ANAPC4: variants seen among roughly 807,000 people sequenced by gnomAD.
The protein encoded by ANAPC4 is anaphase-promoting complex subunit 4.
Under a neutral mutation model 119.8 loss-of-function variants are expected in ANAPC4, and 63 were observed. The ratio of observed to expected loss-of-function variants is 0.53; its 90% CI spans 0.43 to 0.65. The LOEUF (loss-of-function observed/expected upper bound fraction) is 0.65, where lower values mean the gene tolerates loss of function less well. Ranked by LOEUF, ANAPC4 falls within the 30% of genes least tolerant of loss-of-function variation. ANAPC4 has a pLI of 0.00. For missense variants in ANAPC4, 716 were observed against 945.1 expected (o/e 0.76, Z 3.18); for synonymous variants, 283 against 318.6 (o/e 0.89, Z 1.19).
At chr4:25,397,231 T>C (rs1722708437) in intron 16 of ANAPC4, among the ~76,000 whole-genome samples, 1 of 152,206 alleles carries the variant, frequency 6.6e-6, no homozygotes, top group African/African-American at 2.4e-5. Flanking sequence ...TTTTTAGAAG[T>C]TATTCTCTTT....
Position 25,407,709 on chromosome 4 carries a change from A to C in ANAPC4, c.1431+456A>C, listed in dbSNP as rs1253700179. ...TAGGTATTAAAAATTAAACATAATA[A>C]AAAATTATTCCCTAATTCACTCAAA... On this transcript the variant is annotated intron_variant, in intron 20 of 28. Coordinates refer to ENST00000315368, the MANE Select transcript of ANAPC4 (RefSeq NM_013367.3). Among the ~76,000 whole-genome samples, 4 of 152,240 alleles carry C rather than the reference A, an allele frequency of 2.6e-5. No individual in the cohort carries two copies. In the South Asian group the frequency reaches 8.3e-4, roughly 32 times the overall value.
intron 14 of ANAPC4, among the ~76,000 whole-genome samples, chr4:25,395,795 G>A (rs1460240535): frequency 1.3e-5 from 2 of 152,086 alleles, no homozygotes; most frequent in East Asian, 1.9e-4. Flanking sequence ...TGAGTCCCTG[G>A]CCCTAACTAC....
intron 28 of ANAPC4, 66 bp from the exon 29 acceptor site, chr4:25,418,089 T>A: frequency 1.4e-6 from 2 of 1,394,596 alleles, no homozygotes; most frequent in South Asian, 2.6e-5. Context: ...AGACTTCTGA[T>A]TTCTAATTCT....
At chr4:25,389,916 T>C (rs564579068) in intron 7 of ANAPC4, among the ~76,000 whole-genome samples, 1 of 151,540 alleles carries the variant, frequency 6.6e-6, no homozygotes, top group South Asian at 2.1e-4. Flanking sequence ...TGTAAGCTGA[T>C]TTTTTTTTAG....
chr4:25,390,917 G>A lies in ANAPC4; in HGVS notation c.607G>A (p.Gly203Ser), dbSNP rs780962676. 1.2e-6 allele frequency: 2 copies of A among 1,611,698 alleles called. No homozygotes were observed. The highest frequency in any genetic ancestry group is 2.2e-5 in the East Asian group (1 of 44,836). The change falls in exon 9 of 29, where the codon GGT (glycine) becomes AGT (serine). Residue 203 changes from glycine to serine, a missense_variant. Coordinates refer to ENST00000315368, the MANE Select transcript of ANAPC4 (RefSeq NM_013367.3). The stretch of plus-strand genomic sequence containing the variant: ...GGGTTTGACTCTTTTACAGATTGCT[G>A]GTACTTGTCTTGCATTATGTTTATC... ...FKIARVTGIA[G>S]TCLALCLSSD...
intron 7 of ANAPC4, 123 bp from the exon 8 acceptor site, chr4:25,390,013 C>T: frequency 1.7e-6 from 1 of 577,618 alleles, no homozygotes; most frequent in East Asian, 3.1e-5. Context: ...GTCTCACTTC[C>T]CTCTGCAGGG....
chr4:25,378,598 T>G (rs1721542492), intron 2 of ANAPC4, among the ~76,000 whole-genome samples: 1 of 152,222 alleles, frequency 6.6e-6, no homozygotes, highest in African/African-American at 2.4e-5. Flanking sequence ...TAGAGGGCAC[T>G]GTTACATCCA....
At chr4:25,384,894 C>T (rs948020646) in intron 4 of ANAPC4, among the ~76,000 whole-genome samples, 10 of 151,990 alleles carry the variant, frequency 6.6e-5, no homozygotes, top group African/African-American at 2.4e-4. Flanking sequence ...CAACATTAAT[C>T]TTATATATCT....
At chr4:25,378,640 G>A (rs1391784054) in intron 2 of ANAPC4, among the ~76,000 whole-genome samples, 1 of 152,218 alleles carries the variant, frequency 6.6e-6, no homozygotes, top group Non-Finnish European at 1.5e-5. Flanking sequence ...CAAGGGCATT[G>A]TTTATGGGTG....
intron 25 of ANAPC4, chr4:25,415,059 C>T (rs1187547498): frequency 1.7e-5 from 3 of 179,506 alleles, no homozygotes; most frequent in Non-Finnish European, 3.4e-5. Flanking sequence ...AAAGTGGCTG[C>T]CTTATAGAAA....
intron 26 of ANAPC4, 167 bp from the exon 27 acceptor site, chr4:25,416,258 A>G (rs969034618): frequency 6.8e-6 from 3 of 444,056 alleles, no homozygotes; most frequent in African/African-American, 6.0e-5. Flanking sequence ...ATCAGTACAA[A>G]AAGTAACTGA....
Position 25,418,279 on chromosome 4 carries a change from T to C in ANAPC4, c.2324T>C (p.Val775Ala). The C allele has an allele frequency of 6.2e-7, 1 of 1,613,950 alleles. No individual in the cohort carries two copies. The highest frequency in any genetic ancestry group is 8.5e-7 in the Non-Finnish European group (1 of 1,179,942). Residue 775 changes from valine to alanine, a missense_variant, in exon 29 of 29, where the codon GTG becomes GCG. By Grantham distance (64) the Val-to-Ala change is moderately conservative (BLOSUM62 0). This residue lies in a region of ANAPC4 where 504 missense variants were observed against 615.8 expected (regional missense o/e 0.82). Coordinates refer to ENST00000315368, the MANE Select transcript of ANAPC4 (RefSeq NM_013367.3). ...SNKPVKIKEEVLSESEAENQQ... is the reference protein window; with the variant it reads ...SNKPVKIKEEALSESEAENQQ... Reference sequence around the variant, plus strand: ...AAGCCTGTAAAAATAAAGGAAGAAGTGTTGTCGGAGTCAGAGGCAGAGAAC... The same window carrying C: ...AAGCCTGTAAAAATAAAGGAAGAAGCGTTGTCGGAGTCAGAGGCAGAGAAC...
chr4:25,383,595 T>C (rs188778391), intron 4 of ANAPC4, among the ~76,000 whole-genome samples: 3 of 152,252 alleles, frequency 2.0e-5, no homozygotes, highest in Admixed American at 2.0e-4. Flanking sequence ...CTCAGAGATA[T>C]TGTGGGCTTG....
chr4:25,389,378 C>T (rs1261068840), intron 7 of ANAPC4, among the ~76,000 whole-genome samples: 1 of 152,136 alleles, frequency 6.6e-6, no homozygotes, highest in African/African-American at 2.4e-5. Flanking sequence ...AGGATGGTCT[C>T]GATCTCTTGA....
At chr4:25,397,291 G>GT (rs776659187) in intron 16 of ANAPC4, among the ~76,000 whole-genome samples, 1 of 152,138 alleles carries the variant, frequency 6.6e-6, no homozygotes, top group Admixed American at 6.5e-5. Flanking sequence ...TGCATTGTCT[G>GT]TTTTTTCTGC....
At chr4:25,408,423 C>T (rs1417407207) in intron 20 of ANAPC4, among the ~76,000 whole-genome samples, 1 of 151,982 alleles carries the variant, frequency 6.6e-6, no homozygotes, top group African/African-American at 2.4e-5. Flanking sequence ...AATGCCGCCA[C>T]CTTTTATCAA....
At chr4:25,398,838 C>G (rs1460741582) in intron 16 of ANAPC4, among the ~76,000 whole-genome samples, 1 of 151,402 alleles carries the variant, frequency 6.6e-6, no homozygotes, top group Non-Finnish European at 1.5e-5. Flanking sequence ...ATAAGGGAGT[C>G]ATAGATAATT....
intron 10 of ANAPC4, 94 bp from the exon 11 acceptor site, chr4:25,393,711 T>C (rs1474320752): frequency 6.4e-6 from 4 of 629,774 alleles, no homozygotes; most frequent in Non-Finnish European, 1.1e-5. Flanking sequence ...AATTCTAGAT[T>C]TCTTTGAGAC....
chr4:25,410,963 A>G (rs1420942107), intron 21 of ANAPC4, among the ~76,000 whole-genome samples: 1 of 151,812 alleles, frequency 6.6e-6, no homozygotes, highest in Non-Finnish European at 1.5e-5. Flanking sequence ...CTCAACCTAT[A>G]GCAATTTCTG....
Sources: allele counts gnomAD v4.1 joint callset (sites outside exome capture counted in the v4.1 genomes callset), GRCh38; gene constraint gnomAD v4.1.1; regional missense constraint gnomAD v4.1.1; transcripts MANE v1.5; gene names NCBI Gene and HGNC (gene_info 2026-07-23, HGNC 2026-07-21).